The following SP4 variants were observed in gnomAD, a reference collection of about 807,000 sequenced individuals.
SP4 encodes Sp4 transcription factor.
Under a neutral mutation model 72.8 loss-of-function variants are expected in SP4, and 19 were observed. The ratio of observed to expected loss-of-function variants is 0.26; its 90% CI spans 0.18 to 0.38. SP4 has a LOEUF of 0.38. Ranked by LOEUF, SP4 falls within the 10% of genes least tolerant of loss-of-function variation. The probability of loss-of-function intolerance (pLI) is 1.00; values close to 1 mark genes in which losing one functional copy is unlikely to be tolerated. For missense variants in SP4, 1,008 were observed against 926.3 expected (o/e 1.09, Z -1.14); for synonymous variants, 395 against 333.1 (o/e 1.19, Z -2.02).
chr7:21,504,430 G>C (rs531618306), intron 5 of SP4, among the ~76,000 whole-genome samples: 1 of 152,212 alleles, frequency 6.6e-6, no homozygotes, highest in Non-Finnish European at 1.5e-5. Flanking sequence ...GGGCTGACCA[G>C]CCATTAGGTA....
chr7:21,506,759 A>T (rs1277073064), intron 5 of SP4, among the ~76,000 whole-genome samples: 1 of 152,196 alleles, frequency 6.6e-6, no homozygotes, highest in East Asian at 1.9e-4. Flanking sequence ...GCATTGCCCT[A>T]CTGGGTCCTC....
chr7:21,436,699 C>T (rs752689962), intron 3 of SP4, among the ~76,000 whole-genome samples: 3 of 152,116 alleles, frequency 2.0e-5, no homozygotes, highest in Non-Finnish European at 2.9e-5. Context: ...ATTGGATGTT[C>T]ATAATGCTTG....
intron 3 of SP4, among the ~76,000 whole-genome samples, chr7:21,475,727 G>A (rs1784480827): frequency 6.6e-6 from 1 of 152,176 alleles, no homozygotes; most frequent in Non-Finnish European, 1.5e-5. Context: ...CTCCCAAAGT[G>A]ACATATTTTA....
intron 5 of SP4, among the ~76,000 whole-genome samples, chr7:21,490,689 C>T (rs1217091211): frequency 2.0e-5 from 3 of 150,132 alleles, no homozygotes; most frequent in Non-Finnish European, 4.5e-5. Flanking sequence ...AAAAGAAGTC[C>T]TGGGTTCAAC....
chr7:21,470,663 C>A (rs1784306762), intron 3 of SP4, among the ~76,000 whole-genome samples: 1 of 148,106 alleles, frequency 6.8e-6, no homozygotes, highest in Non-Finnish European at 1.5e-5. Context: ...CAAGCTAGAT[C>A]TTGTTGAATA....
chr7:21,448,665 T>C (rs901259175), intron 3 of SP4, among the ~76,000 whole-genome samples: 1 of 152,230 alleles, frequency 6.6e-6, no homozygotes, highest in African/African-American at 2.4e-5. Context: ...AATGGAGTAA[T>C]ATGTGTGACA....
At chr7:21,498,478 G>A (rs113279288) in intron 5 of SP4, among the ~76,000 whole-genome samples, 14 of 152,268 alleles carry the variant, frequency 9.2e-5, no homozygotes, top group African/African-American at 1.9e-4. Flanking sequence ...TCTAGGCCGC[G>A]TAGGTAAGAA....
chr7:21,494,252 C>T (rs1432053109), intron 5 of SP4, among the ~76,000 whole-genome samples: 2 of 152,160 alleles, frequency 1.3e-5, no homozygotes, highest in Non-Finnish European at 2.9e-5. Context: ...TTTTACCATT[C>T]TTATTCACCA....
In SP4 at chr7:21,511,132, G is replaced by T. The variant is rs1028528244; in HGVS notation, c.2218G>T (p.Ala740Ser). Residue 740 changes from alanine to serine, a missense_variant, in exon 6 of 6, where the codon GCC becomes TCC. Transcript: ENST00000222584. ...TAAAAAAGGTGGTGGGACAGCTCTT[G>T]CCATTGTTACCTCGGGAGAACTGGA... Reference protein sequence around the residue: ...QNKKGGGTALAIVTSGELDSS... With the variant: ...QNKKGGGTALSIVTSGELDSS... 6.2e-7 allele frequency: 1 copy of T among 1,614,204 alleles called. No individual in the cohort carries two copies. The highest frequency in any genetic ancestry group is 1.7e-5 in the Admixed American group (1 of 60,016).
At chr7:21,480,787 T>G (rs938829421) in intron 4 of SP4, among the ~76,000 whole-genome samples, 3 of 152,208 alleles carry the variant, frequency 2.0e-5, no homozygotes, top group Non-Finnish European at 4.4e-5. Context: ...AATCTCTTAG[T>G]CTTCTCCCAA....
chr7:21,506,645 T>G (rs569124645), intron 5 of SP4, among the ~76,000 whole-genome samples: 1 of 152,324 alleles, frequency 6.6e-6, no homozygotes, highest in African/African-American at 2.4e-5. Context: ...CCTCTGAGTT[T>G]GCCTCAGTAA....
chr7:21,455,505 A>G (rs1268757395), intron 3 of SP4, among the ~76,000 whole-genome samples: 1 of 152,148 alleles, frequency 6.6e-6, no homozygotes, highest in African/African-American at 2.4e-5. Flanking sequence ...ACTTTCCTAT[A>G]TCCTGAATAG....
In SP4 at chr7:21,500,206, A is replaced by G. The variant is rs1486212556; in HGVS notation, c.2108-10816A>G. Among the ~76,000 whole-genome samples, 4 of 152,336 alleles carry G rather than the reference A, an allele frequency of 2.6e-5. No homozygotes were observed. The East Asian group carries it at 7.7e-4, about 29-fold the overall frequency. ...GATACATTGAGATTTTCATGAAGAA[A>G]TGAAATTTGAAATTTGTTCTTGACG... On this transcript the variant is annotated intron_variant, in intron 5 of 5. Transcript: ENST00000222584.
Position 21,481,943 on chromosome 7 carries a change from A to G in SP4, c.1927A>G (p.Lys643Glu). 6.2e-7 allele frequency: 1 copy of G among 1,614,028 alleles called. No homozygotes were observed. The highest frequency in any genetic ancestry group is 8.5e-7 in the Non-Finnish European group (1 of 1,179,898). Reference protein sequence around the residue: ...GEGRGSNEPGKKKQHICHIEG... With the variant: ...GEGRGSNEPGEKKQHICHIEG... Reference sequence around the variant, plus strand: ...TGCTAGAGGCAGTAATGAACCAGGAAAAAAGAAGCAGCATATCTGTCATAT... The same window carrying G: ...TGCTAGAGGCAGTAATGAACCAGGAGAAAAGAAGCAGCATATCTGTCATAT... Residue 643 changes from lysine to glutamate, a missense_variant, in exon 5 of 6, where the codon AAA becomes GAA. Around this residue, in one of 3 missense-constraint regions of SP4, gnomAD observed 48 missense variants for 117.0 expected, o/e 0.41. Coordinates refer to ENST00000222584, the MANE Select transcript of SP4 (RefSeq NM_003112.5).
intron 3 of SP4, among the ~76,000 whole-genome samples, chr7:21,444,133 A>C (rs553234903): frequency 1.2e-3 from 184 of 152,330 alleles, no homozygotes; most frequent in African/African-American, 4.3e-3. Context: ...CTACTGGCAG[A>C]CTGCATCCAT....
rs1251558583 is a variant in SP4 at position 21,430,786 on chromosome 7, C to G, written c.1621C>G (p.Leu541Val). The part of the protein sequence containing the change: ...PNLQTVSVAN[L>V]GAAGVQVQGV... ...CCTTCAGACAGTGAGCGTTGCCAACCTGGGTGCTGCAGGTGTTCAAGTGCA... is the reference window on the plus strand; with the variant it reads ...CCTTCAGACAGTGAGCGTTGCCAACGTGGGTGCTGCAGGTGTTCAAGTGCA... Residue 541 changes from leucine to valine, a missense_variant, in exon 3 of 6, where the codon CTG becomes GTG. Leu to Val is a conservative substitution (Grantham distance 32). Coordinates refer to ENST00000222584, the MANE Select transcript of SP4 (RefSeq NM_003112.5). The G allele has an allele frequency of 4.3e-6, 7 of 1,614,166 alleles. No homozygotes were observed. Among genetic ancestry groups the G allele is most frequent in the Non-Finnish European group, 5.9e-6 (7 of 1,180,024 alleles).
chr7:21,496,352 A>T (rs1306393435), intron 5 of SP4, among the ~76,000 whole-genome samples: 4 of 152,242 alleles, frequency 2.6e-5, no homozygotes, highest in African/African-American at 9.6e-5. Context: ...TTAAGAATTC[A>T]GAACAGTTTT....
At chr7:21,435,776 C>T (rs1214462979) in intron 3 of SP4, among the ~76,000 whole-genome samples, 1 of 151,700 alleles carries the variant, frequency 6.6e-6, no homozygotes, top group Non-Finnish European at 1.5e-5. Flanking sequence ...GCTGGCTTTA[C>T]CTATTGAATG....
At chr7:21,442,342 A>G (rs1036541650) in intron 3 of SP4, among the ~76,000 whole-genome samples, 2 of 152,118 alleles carry the variant, frequency 1.3e-5, no homozygotes, top group East Asian at 1.9e-4. Flanking sequence ...GCCTGGGCCC[A>G]TTTTAAATCT....
Sources: allele counts gnomAD v4.1 joint callset (sites outside exome capture counted in the v4.1 genomes callset), GRCh38; gene constraint gnomAD v4.1.1; regional missense constraint gnomAD v4.1.1; transcripts MANE v1.5; gene names NCBI Gene and HGNC (gene_info 2026-07-23, HGNC 2026-07-21).